The following GDPD5 variants were observed in gnomAD, a reference collection of about 807,000 sequenced individuals.
GDPD5 encodes the protein glycerophosphodiester phosphodiesterase 2.
GDPD5 carries 48 observed loss-of-function variants against 75.1 expected under a neutral mutation model. The observed-to-expected ratio is 0.64, with a 90% CI of 0.51 to 0.81. The LOEUF (loss-of-function observed/expected upper bound fraction) is 0.81, where lower values mean the gene tolerates loss of function less well. Among genes scored for constraint, GDPD5 ranks in the 40% least tolerant of loss-of-function variants. The probability of loss-of-function intolerance (pLI) is 0.00; values close to 1 mark genes in which losing one functional copy is unlikely to be tolerated. For synonymous variants in GDPD5, 336 were observed against 339.0 expected (o/e 0.99, Z 0.10); for missense variants, 706 against 822.6 (o/e 0.86, Z 1.73).
At position 75,511,228 on chromosome 11, in the gene GDPD5, T is replaced by C. The variant is rs188064431; in HGVS notation, c.-145+13982A>G. Among the ~76,000 whole-genome samples, 15 of 149,816 alleles carry C rather than the reference T, an allele frequency of 1.0e-4. No homozygotes were observed. In the East Asian group the frequency reaches 1.9e-3, roughly 19 times the overall value. ...TTCTGGGGCTAAAGAGTATTCCCTG[T>C]GATGCTCTCTCAAAATGCAGTCCTG... On this transcript the variant is annotated intron_variant, in intron 1 of 16. Transcript: ENST00000336898.
chr11:75,441,689 G>T lies in GDPD5; in HGVS notation c.1282C>A (p.Arg428=). 1 of 1,607,248 alleles carries T rather than the reference G, an allele frequency of 6.2e-7. No individual in the cohort carries two copies. Among genetic ancestry groups the T allele is most frequent in the Admixed American group, 1.7e-5 (1 of 59,692 alleles). Residue 428 remains arginine (R), a synonymous_variant, in exon 13 of 17, where the codon CGG becomes AGG. Coordinates refer to ENST00000336898, the MANE Select transcript of GDPD5 (RefSeq NM_030792.8). The part of the protein sequence containing the change: ...VASLRRGHIQ[R]LNLRYTQVSR... ...ACCTGAGTGTAGCGCAGGTTCAGCC[G>T]CTGGATGTGGCCTCTCCGCAGGCTG...
In GDPD5 at chr11:75,435,598, T is replaced by C. The variant is rs1027564886; in HGVS notation, c.1727A>G (p.Tyr576Cys). The C allele has an allele frequency of 6.2e-7, 1 of 1,613,702 alleles. No individual in the cohort carries two copies. Among genetic ancestry groups the C allele is most frequent in the Non-Finnish European group, 8.5e-7 (1 of 1,179,800 alleles). Residue 576 changes from tyrosine to cysteine, a missense_variant, in exon 17 of 17, where the codon TAT becomes TGT. Coordinates refer to ENST00000336898, the MANE Select transcript of GDPD5 (RefSeq NM_030792.8). ...GGCGGTGCTGTTGGCATATGTGTCA[T>C]AACTGTTGTCTGAACATACGGAGAG... Reference protein sequence around the residue: ...DVLSVCSDNSYDTYANSTATP... With the variant: ...DVLSVCSDNSCDTYANSTATP...
intron 14 of GDPD5, 53 bp downstream of exon 14, chr11:75,441,110 G>C: frequency 5.7e-6 from 9 of 1,576,958 alleles, no homozygotes; most frequent in Non-Finnish European, 1.7e-6. Context: ...GTCAGGGCAG[G>C]CTATAGGCAG....
intron 1 of GDPD5, among the ~76,000 whole-genome samples, chr11:75,521,332 G>A (rs1390168599): frequency 1.3e-5 from 2 of 152,218 alleles, no homozygotes; most frequent in East Asian, 3.8e-4. Context: ...CTTGGGTGGA[G>A]GTGAGGAGAC....
intron 1 of GDPD5, among the ~76,000 whole-genome samples, chr11:75,501,078 C>T (rs1950295882): frequency 6.6e-6 from 1 of 152,202 alleles, no homozygotes; most frequent in Non-Finnish European, 1.5e-5. Flanking sequence ...ACCCTGGGTC[C>T]CCAACACCGA....
intron 1 of GDPD5, among the ~76,000 whole-genome samples, chr11:75,498,317 A>C (rs1198808990): frequency 6.6e-6 from 1 of 152,188 alleles, no homozygotes; most frequent in Non-Finnish European, 1.5e-5. Context: ...GAATGTGTTG[A>C]CCAACGCAAG....
intron 3 of GDPD5, among the ~76,000 whole-genome samples, chr11:75,471,741 C>T (rs938379317): frequency 2.0e-5 from 3 of 152,158 alleles, no homozygotes; most frequent in Non-Finnish European, 4.4e-5. Context: ...TGGAGCGTGA[C>T]GTGGTCATGC....
intron 9 of GDPD5, among the ~76,000 whole-genome samples, chr11:75,446,905 C>T (rs752261302): frequency 1.5e-4 from 23 of 151,574 alleles, no homozygotes; most frequent in African/African-American, 3.1e-4. Context: ...TTTTTTGAGA[C>T]GGAATTTCAC....
intron 1 of GDPD5, among the ~76,000 whole-genome samples, chr11:75,521,874 C>T (rs1017600196): frequency 6.6e-6 from 1 of 152,096 alleles, no homozygotes; most frequent in Admixed American, 6.5e-5. Context: ...AGCCAGAAGG[C>T]CGGGCAGAGG....
At chr11:75,473,685 T>C (rs1158232667) in intron 3 of GDPD5, among the ~76,000 whole-genome samples, 1 of 152,166 alleles carries the variant, frequency 6.6e-6, no homozygotes, top group Admixed American at 6.5e-5. Context: ...TCAGGCCCAC[T>C]GAGCAGCACC....
rs147772627 is a variant in GDPD5 at position 75,477,750 on chromosome 11, C to G, written c.-15G>C. On this transcript the variant is annotated 5_prime_UTR_variant, in exon 3 of 17. Transcript: ENST00000336898. Reference sequence around the variant, plus strand: ...TGTCTCACCATACTCGTGCCCACGGCCCTGGCGCCTGGCCCTCAGGCGCCC... The same window carrying G: ...TGTCTCACCATACTCGTGCCCACGGGCCTGGCGCCTGGCCCTCAGGCGCCC... 1 of 1,532,366 alleles carries G rather than the reference C, an allele frequency of 6.5e-7. No individual in the cohort carries two copies. The highest frequency in any genetic ancestry group is 1.2e-5 in the South Asian group (1 of 82,720). 94.9% of individuals were successfully genotyped at this position (1,532,366 alleles called of 1,614,324 possible).
At chr11:75,449,168 G>T (rs473462) in intron 8 of GDPD5, 46 bp from the exon 9 acceptor site, 1 of 1,534,618 alleles carries the variant, frequency 6.5e-7, no homozygotes, top group South Asian at 1.2e-5. Flanking sequence ...CCCTGGGCAG[G>T]TTGGGGTGCA....
intron 6 of GDPD5, chr11:75,451,975 G>C (rs1286408689): frequency 6.6e-6 from 1 of 152,228 alleles, no homozygotes; most frequent in African/African-American, 2.4e-5. Flanking sequence ...TCCCACCCTA[G>C]AGGCCCAGAG....
At chr11:75,509,899 C>T (rs868487510) in intron 1 of GDPD5, among the ~76,000 whole-genome samples, 2 of 152,308 alleles carry the variant, frequency 1.3e-5, no homozygotes, top group South Asian at 2.1e-4. Context: ...AGGCTGGTCT[C>T]GAACTCCTGA....
intron 14 of GDPD5, 86 bp downstream of exon 14, chr11:75,441,077 C>T (rs1390675640): frequency 7.2e-7 from 1 of 1,387,508 alleles, no homozygotes; most frequent in Non-Finnish European, 1.0e-6. Context: ...AGGGACAGCT[C>T]CAAGCACAGA....
intron 1 of GDPD5, among the ~76,000 whole-genome samples, chr11:75,514,064 C>T (rs1950589150): frequency 6.6e-6 from 1 of 152,238 alleles, no homozygotes; most frequent in Non-Finnish European, 1.5e-5. Flanking sequence ...GAGACTCAAA[C>T]ATGACTGCCC....
intron 1 of GDPD5, among the ~76,000 whole-genome samples, chr11:75,511,108 T>G (rs1242557201): frequency 6.6e-6 from 1 of 152,234 alleles, no homozygotes. Context: ...ACAGTAGATG[T>G]CTGAGATATG....
intron 1 of GDPD5, among the ~76,000 whole-genome samples, chr11:75,497,960 G>C (rs151218521): frequency 6.6e-6 from 1 of 152,174 alleles, no homozygotes; most frequent in Non-Finnish European, 1.5e-5. Context: ...GATTTTAGTT[G>C]AGCACATACA....
intron 9 of GDPD5, among the ~76,000 whole-genome samples, chr11:75,448,065 A>G (rs1226835661): frequency 6.6e-6 from 1 of 152,134 alleles, no homozygotes; most frequent in African/African-American, 2.4e-5. Flanking sequence ...CTCCTTCCAA[A>G]GCAGTTATGT....
Sources: allele counts gnomAD v4.1 joint callset (sites outside exome capture counted in the v4.1 genomes callset), GRCh38; gene constraint gnomAD v4.1.1; transcripts MANE v1.5; gene names NCBI Gene and HGNC (gene_info 2026-07-23, HGNC 2026-07-21).